Variants in SLC39A10 observed in about 807,000 individuals in gnomAD.
SLC39A10 encodes zinc transporter ZIP10.
In SLC39A10, 13 loss-of-function variants were observed where a neutral mutation model predicts 65.1. The observed-to-expected ratio is 0.20, with a 90% CI of 0.13 to 0.32. The LOEUF (loss-of-function observed/expected upper bound fraction) is 0.32. Among genes scored for constraint, SLC39A10 ranks in the 10% least tolerant of loss-of-function variants. The pLI, the probability that SLC39A10 is intolerant of heterozygous loss-of-function variation, is 1.00. For missense variants in SLC39A10, 831 were observed against 1,018.4 expected (o/e 0.82, Z 2.50); for synonymous variants, 321 against 342.2 (o/e 0.94, Z 0.68).
intron 2 of SLC39A10, among the ~76,000 whole-genome samples, chr2:195,617,841 G>A (rs1004687540): frequency 6.6e-5 from 10 of 151,236 alleles, no homozygotes; most frequent in Admixed American, 2.0e-4. Context: ...CTAGGGTCAC[G>A]CCATTCTCCT....
chr2:195,641,136 C>T (rs1185289578), intron 2 of SLC39A10, among the ~76,000 whole-genome samples: 2 of 152,172 alleles, frequency 1.3e-5, no homozygotes, highest in Admixed American at 6.5e-5. Flanking sequence ...AAATGTAGCA[C>T]AGTGCAAACC....
chr2:195,647,693 TCCACCA>T (rs61694088), intron 2 of SLC39A10, among the ~76,000 whole-genome samples: 3 of 149,626 alleles, frequency 2.0e-5, no homozygotes, highest in African/African-American at 7.4e-5. Flanking sequence ...TTAATTACCA[TCCACCA>T]CCACCACCAC....
chr2:195,708,711 A>G lies in SLC39A10; in HGVS notation c.1442A>G (p.His481Arg). The part of the protein sequence containing the change: ...HQHAHGHGHS[H>R]GHESNKFLEE... The stretch of plus-strand genomic sequence containing the variant: ...CATGCACATGGGCATGGACATTCTC[A>G]TGGACATGAATCTAACAAGTTTTTG... Residue 481 changes from histidine (H) to arginine (R), a missense_variant, in exon 5 of 10, where the codon CAT (histidine) becomes CGT (arginine). His to Arg is a conservative substitution (Grantham distance 29). Coordinates refer to ENST00000359634, the MANE Select transcript of SLC39A10 (RefSeq NM_020342.3). 3 of 1,612,224 alleles carry G rather than the reference A, an allele frequency of 1.9e-6. No individual in the cohort carries two copies. Among genetic ancestry groups the G allele is most frequent in the South Asian group, 1.1e-5 (1 of 90,770 alleles).
At chr2:195,682,738 A>G (rs751643273) in intron 2 of SLC39A10, among the ~76,000 whole-genome samples, 6 of 152,146 alleles carry the variant, frequency 3.9e-5, no homozygotes, top group Non-Finnish European at 5.9e-5. Flanking sequence ...TCTGATGTAT[A>G]CTGGGAATCT....
At chr2:195,623,938 CA>C (rs1688404792) in intron 2 of SLC39A10, among the ~76,000 whole-genome samples, 1 of 146,194 alleles carries the variant, frequency 6.8e-6, no homozygotes. Flanking sequence ...CACACACACA[CA>C]CCGTCTTAGA....
intron 1 of SLC39A10, chr2:195,657,490 A>G: frequency 1.0e-6 from 1 of 985,556 alleles, no homozygotes; most frequent in Non-Finnish European, 1.2e-6. Flanking sequence ...CGTGGTGGGC[A>G]GAGTGTTGGG....
At chr2:195,673,204 A>G (rs149973509) in intron 1 of SLC39A10, among the ~76,000 whole-genome samples, 38 of 152,256 alleles carry the variant, frequency 2.5e-4, no homozygotes, top group African/African-American at 8.4e-4. Context: ...TTTTGAGACA[A>G]TGTCTCTTAT....
At chr2:195,704,712 T>A (rs1303159957) in intron 3 of SLC39A10, among the ~76,000 whole-genome samples, 1 of 152,180 alleles carries the variant, frequency 6.6e-6, no homozygotes, top group Non-Finnish European at 1.5e-5. Context: ...GTTTTTGACA[T>A]CAGCTCCCCG....
chr2:195,696,655 C>T (rs1273463709), intron 3 of SLC39A10, among the ~76,000 whole-genome samples: 4 of 151,932 alleles, frequency 2.6e-5, no homozygotes, highest in African/African-American at 7.3e-5. Context: ...TATAACTTTT[C>T]GCTCTCCCAA....
chr2:195,652,942 G>A (rs1689071400), upstream of SLC39A10, among the ~76,000 whole-genome samples: 1 of 152,176 alleles, frequency 6.6e-6, no homozygotes, highest in African/African-American at 2.4e-5. Context: ...GAGGGATCTA[G>A]GTTGTGCAGT....
intron 8 of SLC39A10, among the ~76,000 whole-genome samples, chr2:195,725,376 G>T (rs1692199014): frequency 6.6e-6 from 1 of 152,084 alleles, no homozygotes; most frequent in South Asian, 2.1e-4. Flanking sequence ...TCTGACAAAA[G>T]ACTTCAATCA....
At chr2:195,655,535 G>T (rs752783033), upstream of SLC39A10, among the ~76,000 whole-genome samples, 5 of 152,218 alleles carry the variant, frequency 3.3e-5, no homozygotes, top group Non-Finnish European at 5.9e-5. Context: ...CACAAAGGAT[G>T]TACTATCATG....
chr2:195,714,643 G>A (rs1482845440), intron 6 of SLC39A10, among the ~76,000 whole-genome samples: 1 of 151,992 alleles, frequency 6.6e-6, no homozygotes, highest in Non-Finnish European at 1.5e-5. Flanking sequence ...AACCATAAAA[G>A]GGGAAAAAAC....
intron 3 of SLC39A10, among the ~76,000 whole-genome samples, chr2:195,697,187 T>A (rs1197938579): frequency 6.6e-6 from 1 of 152,146 alleles, no homozygotes; most frequent in Admixed American, 6.5e-5. Flanking sequence ...TGATCAACTA[T>A]AATTTAATAA....
At chr2:195,702,968 G>A (rs2105805463) in intron 3 of SLC39A10, among the ~76,000 whole-genome samples, 1 of 152,208 alleles carries the variant, frequency 6.6e-6, no homozygotes, top group East Asian at 1.9e-4. Context: ...CCCTCTCCTA[G>A]ACTAATAAAT....
intron 6 of SLC39A10, among the ~76,000 whole-genome samples, chr2:195,714,746 C>T (rs1691725470): frequency 6.6e-6 from 1 of 152,126 alleles, no homozygotes; most frequent in Non-Finnish European, 1.5e-5. Context: ...TTTAGTTATT[C>T]TGTAATGCTA....
chr2:195,684,411 A>G (rs2105777562), intron 3 of SLC39A10, among the ~76,000 whole-genome samples: 1 of 152,256 alleles, frequency 6.6e-6, no homozygotes, highest in Middle Eastern at 3.4e-3. Context: ...AGCTTCAACT[A>G]GGGTAAAACC....
chr2:195,635,708 C>CCTT lies in SLC39A10; in HGVS notation c.-12+29475_-12+29476insCTT, dbSNP rs375322395. ...TGCTTTTTTTGTGGAACCCCCCCCA[C>CCTT]TTTTTTTTTTTTTTACTTGAAAGAC... On this transcript the variant is annotated intron_variant, in intron 2 of 2. Coordinates refer to the SLC39A10 transcript ENST00000458054. Among the ~76,000 whole-genome samples, 7 of 141,832 alleles carry CCTT rather than the reference C, an allele frequency of 4.9e-5. No individual in the cohort carries two copies. In the East Asian group the frequency reaches 8.3e-4, roughly 17 times the overall value. 93.0% of individuals were successfully genotyped at this position (141,832 alleles called of 152,430 possible).
intron 2 of SLC39A10, among the ~76,000 whole-genome samples, chr2:195,682,241 A>T (rs1690352871): frequency 6.6e-6 from 1 of 152,170 alleles, no homozygotes; most frequent in Admixed American, 6.5e-5. Flanking sequence ...GTTCATATGT[A>T]TAGAAAGTAG....
Sources: gnomAD v4.1 joint callset for allele counts (sites outside exome capture counted in the v4.1 genomes callset) on GRCh38, gnomAD v4.1.1 for gene constraint, MANE v1.5 for transcripts, NCBI Gene and HGNC (gene_info 2026-07-23, HGNC 2026-07-21) for gene names.